THSD4: variants seen among roughly 807,000 people sequenced by gnomAD.
The protein encoded by THSD4 is thrombospondin type-1 domain-containing protein 4.
In THSD4, 69 loss-of-function variants were observed where a neutral mutation model predicts 119.0. The ratio of observed to expected loss-of-function variants is 0.58; its 90% CI spans 0.48 to 0.71. The LOEUF is 0.71. THSD4 is among the 30% of genes least tolerant of loss of function. The probability of loss-of-function intolerance (pLI) is 0.00; values close to 1 mark genes in which losing one functional copy is unlikely to be tolerated. For synonymous variants in THSD4, 524 were observed against 540.4 expected (o/e 0.97, Z 0.42); for missense variants, 1,393 against 1,391.1 (o/e 1.00, Z -0.02).
At chr15:71,724,229 G>A (rs2141118454) in intron 8 of THSD4, among the ~76,000 whole-genome samples, 1 of 141,120 alleles carries the variant, frequency 7.1e-6, no homozygotes, top group South Asian at 2.5e-4. Flanking sequence ...AGATAAGGCT[G>A]GGCTGCAGCA....
chr15:71,398,713 G>A (rs1034992423), intron 6 of THSD4, among the ~76,000 whole-genome samples: 12 of 152,096 alleles, frequency 7.9e-5, no homozygotes, highest in African/African-American at 2.9e-4. Flanking sequence ...TGGCAGCCAG[G>A]GGGTGCAGAA....
chr15:71,180,282 A>G (rs1057136208), intron 3 of THSD4, among the ~76,000 whole-genome samples: 1 of 152,208 alleles, frequency 6.6e-6, no homozygotes, highest in Non-Finnish European at 1.5e-5. Flanking sequence ...GTATATAGAG[A>G]ACTTACAAAA....
At chr15:71,547,217 C>T in intron 7 of THSD4, 1 of 1,368,056 alleles carries the variant, frequency 7.3e-7, no homozygotes, top group Non-Finnish European at 9.4e-7. Context: ...ATGAAGAGAT[C>T]AGCTTACCAG....
intron 7 of THSD4, among the ~76,000 whole-genome samples, chr15:71,520,999 G>A (rs976958595): frequency 6.6e-6 from 1 of 152,196 alleles, no homozygotes; most frequent in Admixed American, 6.5e-5. Flanking sequence ...TCTTCCTTCC[G>A]TGACCATACT....
At chr15:71,401,059 C>T (rs1472685535) in intron 6 of THSD4, among the ~76,000 whole-genome samples, 8 of 152,180 alleles carry the variant, frequency 5.3e-5, no homozygotes, top group Non-Finnish European at 1.0e-4. Flanking sequence ...GCTTGAACCT[C>T]GTTTCCTTCC....
At chr15:71,482,352 A>T (rs11639083) in intron 7 of THSD4, among the ~76,000 whole-genome samples, 1 of 147,396 alleles carries the variant, frequency 6.8e-6, no homozygotes, top group Non-Finnish European at 1.5e-5. Flanking sequence ...GTGCAGTGGC[A>T]CGATCTCGGC....
chr15:71,125,227 C>G (rs2040443688), intron 1 of THSD4, among the ~76,000 whole-genome samples: 1 of 152,190 alleles, frequency 6.6e-6, no homozygotes, highest in African/African-American at 2.4e-5. Flanking sequence ...CTCCTGGAGT[C>G]CAGCAGCTCT....
intron 8 of THSD4, among the ~76,000 whole-genome samples, chr15:71,697,441 C>T (rs925253044): frequency 1.3e-5 from 2 of 152,182 alleles, no homozygotes; most frequent in African/African-American, 2.4e-5. Context: ...GAAGTAGGTG[C>T]ATAGGCACAT....
chr15:71,613,130 G>A (rs2050260421), intron 7 of THSD4, among the ~76,000 whole-genome samples: 1 of 152,114 alleles, frequency 6.6e-6, no homozygotes, highest in African/African-American at 2.4e-5. Flanking sequence ...AAGCAGAGGT[G>A]GTGAAAAGCA....
At chr15:71,287,079 A>G (rs1167341951) in intron 6 of THSD4, among the ~76,000 whole-genome samples, 1 of 150,386 alleles carries the variant, frequency 6.6e-6, no homozygotes, top group Non-Finnish European at 1.5e-5. Flanking sequence ...ATGAGTAAAC[A>G]TATTCCTGTT....
At chr15:71,568,248 C>T (rs1343041590) in intron 7 of THSD4, among the ~76,000 whole-genome samples, 2 of 152,266 alleles carry the variant, frequency 1.3e-5, no homozygotes. Flanking sequence ...CTTGCCCATA[C>T]ATCAACCTTG....
At chr15:71,293,742 TCC>T (rs1596319248) in intron 6 of THSD4, among the ~76,000 whole-genome samples, 1 of 152,332 alleles carries the variant, frequency 6.6e-6, no homozygotes, top group East Asian at 1.9e-4. Context: ...TTTTGCTTTG[TCC>T]TCATAGGTTA....
intron 3 of THSD4, among the ~76,000 whole-genome samples, chr15:71,203,373 G>T (rs938420018): frequency 6.6e-6 from 1 of 152,112 alleles, no homozygotes; most frequent in South Asian, 2.1e-4. Context: ...TAGCTTTGGC[G>T]GCCAGGCGTG....
intron 7 of THSD4, among the ~76,000 whole-genome samples, chr15:71,552,324 A>G (rs2048944531): frequency 6.6e-6 from 1 of 152,340 alleles, no homozygotes; most frequent in South Asian, 2.1e-4. Flanking sequence ...TTTCTTCTTC[A>G]TAAATTATTT....
At chr15:71,265,434 C>A (rs889598780) in intron 6 of THSD4, among the ~76,000 whole-genome samples, 3 of 152,162 alleles carry the variant, frequency 2.0e-5, no homozygotes, top group Non-Finnish European at 2.9e-5. Context: ...AGATACTACG[C>A]TTTTGCCGTG....
In THSD4 at chr15:71,256,817, G is replaced by T. The variant is rs16955344; in HGVS notation, c.1015+102G>T. 2,974 of 1,094,428 alleles carry T rather than the reference G, an allele frequency of 2.7e-3. 66 individuals are homozygous for T. The Admixed American group carries it at 0.038, about 14-fold the overall frequency. 67.8% of individuals were successfully genotyped at this position (1,094,428 alleles called of 1,614,324 possible). ...GGAGGTATTGGTGTGATCCTGGCTGGGGTGTCAATAGGGGAGAAAGTGTGA... is the reference window on the plus strand; with the variant it reads ...GGAGGTATTGGTGTGATCCTGGCTGTGGTGTCAATAGGGGAGAAAGTGTGA... On this transcript the variant is annotated intron_variant, in intron 6 of 17. Transcript: ENST00000261862.
chr15:71,142,447 C>T (rs899004895), intron 2 of THSD4, among the ~76,000 whole-genome samples: 1 of 152,034 alleles, frequency 6.6e-6, no homozygotes, highest in Non-Finnish European at 1.5e-5. Context: ...AAATCCTATG[C>T]AAAATCTCAA....
At chr15:71,730,943 G>A in intron 9 of THSD4, 178 bp from the exon 10 acceptor site, 1 of 590,300 alleles carries the variant, frequency 1.7e-6, no homozygotes. Context: ...AAAAGTAAAT[G>A]ACAAAAAGCC....
intron 1 of THSD4, among the ~76,000 whole-genome samples, chr15:71,137,539 A>G (rs555383407): frequency 9.7e-4 from 148 of 152,282 alleles, no homozygotes; most frequent in African/African-American, 3.5e-3. Flanking sequence ...CTTATCTTTC[A>G]TTCTTTTTTA....
Sources: gnomAD v4.1 joint callset for allele counts (sites outside exome capture counted in the v4.1 genomes callset) on GRCh38, gnomAD v4.1.1 for gene constraint, MANE v1.5 for transcripts, NCBI Gene and HGNC (gene_info 2026-07-23, HGNC 2026-07-21) for gene names.